Variants in MIDEAS observed in about 807,000 individuals in gnomAD.
The protein encoded by MIDEAS is mitotic deacetylase associated SANT domain protein, also known as mitotic deacetylase-associated SANT domain protein.
A neutral mutation model predicts 102.7 loss-of-function variants in MIDEAS; 26 were observed. The ratio of observed to expected loss-of-function variants is 0.25; its 90% CI spans 0.19 to 0.35. The LOEUF is 0.35. Ranked by LOEUF, MIDEAS falls within the 10% of genes least tolerant of loss-of-function variation. The pLI, the probability that MIDEAS is intolerant of heterozygous loss-of-function variation, is 1.00. For missense variants in MIDEAS, 1,231 were observed against 1,435.6 expected (o/e 0.86, Z 2.30); for synonymous variants, 585 against 591.0 (o/e 0.99, Z 0.15).
intron 11 of MIDEAS, among the ~76,000 whole-genome samples, chr14:73,721,036 T>C (rs1011267021): frequency 5.5e-4 from 83 of 152,202 alleles, no homozygotes; most frequent in Non-Finnish European, 3.2e-4. Flanking sequence ...TAAAAATTAA[T>C]CGCAGACTCT....
chr14:73,787,483 G>A (rs1241815611), upstream of MIDEAS: 2 of 152,262 alleles, frequency 1.3e-5, no homozygotes, highest in African/African-American at 4.8e-5. Context: ...CCGGGGCCCC[G>A]CGCTGGAGTC....
chr14:73,735,874 T>C (rs1318685146), intron 3 of MIDEAS, among the ~76,000 whole-genome samples: 1 of 152,204 alleles, frequency 6.6e-6, no homozygotes, highest in Non-Finnish European at 1.5e-5. Context: ...AAGTAAGAAT[T>C]GGCCGGGTGC....
chr14:73,730,093 ACACC>A (rs1311134612), intron 3 of MIDEAS, 108 bp from the exon 4 acceptor site: 1 of 1,096,854 alleles, frequency 9.1e-7, no homozygotes, highest in African/African-American at 1.6e-5. Flanking sequence ...TCTGCCTACC[ACACC>A]CACCAAGGCA....
At chr14:73,724,274 C>G (rs1296492866) in intron 9 of MIDEAS, 1 of 152,210 alleles carries the variant, frequency 6.6e-6, no homozygotes, top group African/African-American at 2.4e-5. Context: ...GCTGGGAGCT[C>G]CTGTCCAGAG....
chr14:73,750,975 A>C (rs1175325283), intron 1 of MIDEAS, among the ~76,000 whole-genome samples: 1 of 152,248 alleles, frequency 6.6e-6, no homozygotes, highest in Non-Finnish European at 1.5e-5. Context: ...AGCACACTAC[A>C]CACATTATCC....
At chr14:73,738,103 A>G (rs910577487) in intron 2 of MIDEAS, among the ~76,000 whole-genome samples, 6 of 152,122 alleles carry the variant, frequency 3.9e-5, no homozygotes, top group African/African-American at 7.2e-5. Flanking sequence ...TCTCTTCTAT[A>G]GAAAGTGCTT....
intron 1 of MIDEAS, among the ~76,000 whole-genome samples, chr14:73,780,282 TC>T (rs1856144283): frequency 6.6e-6 from 1 of 152,174 alleles, no homozygotes; most frequent in African/African-American, 2.4e-5. Context: ...TCTCAGTTCT[TC>T]CCCCATCCCA....
At chr14:73,758,012 G>A (rs1295894945) in intron 1 of MIDEAS, among the ~76,000 whole-genome samples, 1 of 152,118 alleles carries the variant, frequency 6.6e-6, no homozygotes, top group African/African-American at 2.4e-5. Context: ...CTGTTCCAGA[G>A]CAAGCTGGCA....
At chr14:73,727,827 A>G (rs1018118375) in intron 4 of MIDEAS, 1 of 313,362 alleles carries the variant, frequency 3.2e-6, no homozygotes, top group Non-Finnish European at 5.9e-6. Context: ...AAAGATTATT[A>G]TTACTGCTTC....
chr14:73,759,936 C>T lies in MIDEAS; in HGVS notation c.-421G>A, dbSNP rs2053537893. On this transcript the variant is annotated 5_prime_UTR_variant, in exon 1 of 13. Coordinates refer to ENST00000423556, the MANE Select transcript of MIDEAS (RefSeq NM_001367710.1). The surrounding 1 kb of genome is among the most constrained non-coding windows in gnomAD (Gnocchi z 6.7). ...GCGGGGCTTCCGCCAGCCCGCGCCTCCCGAGGCTGAGAAGTTTGCTGGCAG... is the reference window on the plus strand; with the variant it reads ...GCGGGGCTTCCGCCAGCCCGCGCCTTCCGAGGCTGAGAAGTTTGCTGGCAG... The T allele has an allele frequency of 6.6e-6, 1 of 151,922 alleles. No individual in the cohort carries two copies. The highest frequency in any genetic ancestry group is 2.1e-4 in the South Asian group (1 of 4,832). The allele number at this position is 151,922 out of a possible 1,614,324, so 9.4% of individuals were successfully genotyped here.
chr14:73,762,555 A>G (rs553955801), upstream of MIDEAS, among the ~76,000 whole-genome samples: 17 of 152,202 alleles, frequency 1.1e-4, no homozygotes, highest in Non-Finnish European at 2.4e-4. Flanking sequence ...GGAGAAGTCT[A>G]CCTCAAAAAG....
chr14:73,727,013 C>G (rs763589269), intron 5 of MIDEAS, 41 bp from the exon 6 acceptor site: 1 of 1,549,998 alleles, frequency 6.5e-7, no homozygotes, highest in African/African-American at 1.4e-5. Flanking sequence ...CCTCACCTTG[C>G]GGGGACGGAG....
Position 73,739,004 on chromosome 14 carries a change from T to C in MIDEAS, c.1005A>G (p.Leu335=), listed in dbSNP as rs766455107. The stretch of plus-strand genomic sequence containing the variant: ...GGGGGAAGGGGATCTGGACCTGAGG[T>C]AGCGCTGGCTGCGGGGCTGAGTCCT... ...LLQDSAPQPA[L]PQVQIPFPRR... is the part of the protein sequence containing the mutation. The change falls in exon 2 of 13, where the codon CTA becomes CTG. Residue 335 remains leucine, a synonymous_variant. Transcript: ENST00000423556. 9 of 1,537,846 alleles carry C rather than the reference T, an allele frequency of 5.9e-6. No individual in the cohort carries two copies. The highest frequency in any genetic ancestry group is 7.9e-6 in the Non-Finnish European group (9 of 1,142,648).
intron 1 of MIDEAS, among the ~76,000 whole-genome samples, chr14:73,746,108 T>C (rs2053348274): frequency 6.6e-6 from 1 of 152,032 alleles, no homozygotes; most frequent in Non-Finnish European, 1.5e-5. Flanking sequence ...TAAAGGGATG[T>C]GTAAGAGAGG....
intron 10 of MIDEAS, 133 bp downstream of exon 10, chr14:73,722,565 G>T: frequency 1.9e-6 from 2 of 1,055,888 alleles, no homozygotes; most frequent in South Asian, 3.1e-5. Context: ...GGCTCCTTGC[G>T]GCTGTCAGGG....
intron 1 of MIDEAS, among the ~76,000 whole-genome samples, chr14:73,748,696 G>A (rs1333851759): frequency 6.6e-6 from 1 of 151,202 alleles, no homozygotes; most frequent in Non-Finnish European, 1.5e-5. Context: ...TTGAACCTGA[G>A]AGGTGGAGGC....
intron 1 of MIDEAS, among the ~76,000 whole-genome samples, chr14:73,785,720 G>A (rs1384606648): frequency 6.6e-6 from 1 of 152,066 alleles, no homozygotes; most frequent in African/African-American, 2.4e-5. Context: ...TCCTACTGAC[G>A]TCATCCCACA....
chr14:73,762,351 T>G (rs1044944869), upstream of MIDEAS, among the ~76,000 whole-genome samples: 1 of 151,968 alleles, frequency 6.6e-6, no homozygotes, highest in Non-Finnish European at 1.5e-5. Context: ...GCATACATAG[T>G]GGAGGCAGGT....
At chr14:73,760,997 C>A (rs900096204), upstream of MIDEAS, among the ~76,000 whole-genome samples, 3 of 152,104 alleles carry the variant, frequency 2.0e-5, no homozygotes, top group African/African-American at 4.8e-5. The surrounding 1 kb of genome is among the most constrained non-coding windows in gnomAD (Gnocchi z 4.8). Flanking sequence ...TGGTTCTGGC[C>A]CCCACATTCA....
Sources: gnomAD v4.1 joint callset for allele counts (sites outside exome capture counted in the v4.1 genomes callset) on GRCh38, gnomAD v4.1.1 for gene constraint, Gnocchi (gnomAD v3.1) non-coding constraint, MANE v1.5 for transcripts, NCBI Gene and HGNC (gene_info 2026-07-23, HGNC 2026-07-21) for gene names.